CSMD1: variants seen among roughly 807,000 people sequenced by gnomAD.
CSMD1 encodes the protein CUB and sushi domain-containing protein 1.
A neutral mutation model predicts 417.5 loss-of-function variants in CSMD1; 213 were observed. The observed-to-expected ratio is 0.51, with a 90% confidence interval of 0.46 to 0.57. The LOEUF is 0.57. Among genes scored for constraint, CSMD1 ranks in the 20% least tolerant of loss-of-function variants. The pLI, the probability that CSMD1 is intolerant of heterozygous loss-of-function variation, is 0.00. For missense variants in CSMD1, 6,923 were observed against 4,529.7 expected (o/e 1.53, Z -15.17); for synonymous variants, 2,862 against 1,736.8 (o/e 1.65, Z -16.11).
chr8:3,013,951 TG>T (rs1186572564), intron 52 of CSMD1, among the ~76,000 whole-genome samples: 1 of 152,106 alleles, frequency 6.6e-6, no homozygotes, highest in Non-Finnish European at 1.5e-5. Flanking sequence ...TGGCAGCACT[TG>T]TCACATATGA....
chr8:3,838,726 TAATATTATATAGTATAATATATAATA>T (rs1563132082), intron 5 of CSMD1, among the ~76,000 whole-genome samples: 1 of 70,984 alleles, frequency 1.4e-5, no homozygotes, highest in African/African-American at 8.7e-5. Context: ...TATAATAAAT[TAATATTATATAGTATAATATATAATA>T]AATATTATAT....
intron 3 of CSMD1, among the ~76,000 whole-genome samples, chr8:4,220,231 G>A (rs77283184): frequency 2.0e-5 from 3 of 152,128 alleles, no homozygotes; most frequent in East Asian, 1.9e-4. Flanking sequence ...GATTAGAGGC[G>A]TGAGCCACCA....
At chr8:4,642,172 C>A (rs1021276547) in intron 1 of CSMD1, among the ~76,000 whole-genome samples, 1 of 152,208 alleles carries the variant, frequency 6.6e-6, no homozygotes, top group Admixed American at 6.5e-5. Flanking sequence ...TATAGGACTA[C>A]TTGTTCGGGG....
At chr8:4,414,689 CTTTCAGGTT>C (rs1406783552) in intron 3 of CSMD1, among the ~76,000 whole-genome samples, 1 of 151,982 alleles carries the variant, frequency 6.6e-6, no homozygotes, top group Admixed American at 6.6e-5. Context: ...GGCAGTTTTT[CTTTCAGGTT>C]TTGAGGAAAT....
At chr8:3,343,181 A>G in intron 23 of CSMD1, 113 bp downstream of exon 23, 1 of 885,454 alleles carries the variant, frequency 1.1e-6, no homozygotes, top group Non-Finnish European at 1.8e-6. Context: ...CTGCAATCAA[A>G]AACACAGTAG....
intron 2 of CSMD1, among the ~76,000 whole-genome samples, chr8:4,467,510 G>A (rs995707671): frequency 6.6e-6 from 1 of 152,164 alleles, no homozygotes. Flanking sequence ...TCTGACTTAA[G>A]CACAGACAAC....
intron 2 of CSMD1, among the ~76,000 whole-genome samples, chr8:4,463,673 CTTACA>C (rs1464102405): frequency 6.6e-6 from 1 of 152,128 alleles, no homozygotes; most frequent in Non-Finnish European, 1.5e-5. Flanking sequence ...TACCATTGCA[CTTACA>C]TTAAATGTCC....
intron 5 of CSMD1, among the ~76,000 whole-genome samples, chr8:3,815,838 G>A (rs1446414371): frequency 1.3e-5 from 2 of 152,056 alleles, no homozygotes; most frequent in African/African-American, 4.8e-5. Flanking sequence ...TTGAATCCCA[G>A]CATGTGGCAG....
chr8:3,328,384 G>C (rs752676918), intron 23 of CSMD1, among the ~76,000 whole-genome samples: 2 of 152,152 alleles, frequency 1.3e-5, no homozygotes, highest in Non-Finnish European at 2.9e-5. Context: ...GACTTTTACA[G>C]TTTATCCACC....
chr8:3,890,389 A>C (rs1020820635), intron 5 of CSMD1, among the ~76,000 whole-genome samples: 2 of 152,082 alleles, frequency 1.3e-5, no homozygotes, highest in African/African-American at 4.8e-5. Flanking sequence ...GACTGTGGAA[A>C]ACAAAGACAA....
At chr8:4,238,949 T>A (rs1244487116) in intron 3 of CSMD1, among the ~76,000 whole-genome samples, 2 of 152,202 alleles carry the variant, frequency 1.3e-5, no homozygotes, top group Non-Finnish European at 2.9e-5. Flanking sequence ...ACCCTGTTCT[T>A]CTGTAGAGAG....
intron 52 of CSMD1, among the ~76,000 whole-genome samples, chr8:3,012,617 A>G (rs1808485866): frequency 6.6e-6 from 1 of 152,196 alleles, no homozygotes; most frequent in Admixed American, 6.5e-5. Context: ...TGGAAAACAT[A>G]TTGGACCTAA....
rs1163449362 is a variant in CSMD1, at chr8:4,077,731, C to G, written c.416-45632G>C. ...GTTTCTTACCATTCTCAAATTTGCTCTTTATTCTCTTGTCCCAATGCTATT... is the reference window on the plus strand; with the variant it reads ...GTTTCTTACCATTCTCAAATTTGCTGTTTATTCTCTTGTCCCAATGCTATT... On this transcript the variant is annotated intron_variant, in intron 3 of 69. Transcript: ENST00000635120. Among the ~76,000 whole-genome samples the G allele has an allele frequency of 2.6e-5, 4 of 152,176 alleles. No homozygotes were observed. The East Asian group carries it at 5.8e-4, about 22-fold the overall frequency.
At chr8:4,668,986 A>G (rs1202746273) in intron 1 of CSMD1, among the ~76,000 whole-genome samples, 1 of 152,096 alleles carries the variant, frequency 6.6e-6, no homozygotes, top group African/African-American at 2.4e-5. Flanking sequence ...TTGGTTTCTT[A>G]GGTGTCTAAT....
At chr8:4,753,264 T>C (rs1353917188) in intron 1 of CSMD1, among the ~76,000 whole-genome samples, 7 of 152,022 alleles carry the variant, frequency 4.6e-5, no homozygotes, top group African/African-American at 1.7e-4. Context: ...AAAAGAAAAT[T>C]TCCCTTATAT....
At chr8:4,684,190 T>C (rs1417450810) in intron 1 of CSMD1, among the ~76,000 whole-genome samples, 1 of 152,256 alleles carries the variant, frequency 6.6e-6, no homozygotes, top group Non-Finnish European at 1.5e-5. Context: ...TAAGGTTATT[T>C]ATGAATAAGG....
chr8:4,971,899 G>T (rs2117385399), intron 1 of CSMD1, among the ~76,000 whole-genome samples: 1 of 152,124 alleles, frequency 6.6e-6, no homozygotes, highest in East Asian at 1.9e-4. Flanking sequence ...AGTAGTAGGT[G>T]ATGACTTAGG....
chr8:3,380,408 TA>T (rs1312567979), intron 18 of CSMD1, among the ~76,000 whole-genome samples: 1 of 152,192 alleles, frequency 6.6e-6, no homozygotes, highest in Non-Finnish European at 1.5e-5. Context: ...CAAAGGATTA[TA>T]AATCATTCTA....
At chr8:4,124,935 A>C (rs1451939447) in intron 3 of CSMD1, among the ~76,000 whole-genome samples, 1 of 152,176 alleles carries the variant, frequency 6.6e-6, no homozygotes, top group Non-Finnish European at 1.5e-5. Context: ...CAGAAACAGC[A>C]ACTCTTCCGG....
Sources: allele counts gnomAD v4.1 joint callset (sites outside exome capture counted in the v4.1 genomes callset), GRCh38; gene constraint gnomAD v4.1.1; transcripts MANE v1.5; gene names NCBI Gene and HGNC (gene_info 2026-07-23, HGNC 2026-07-21).